Variants in DDB1 observed in about 807,000 individuals in gnomAD.
DDB1 encodes DNA damage-binding protein 1.
A neutral mutation model predicts 133.1 loss-of-function variants in DDB1; 18 were observed. The observed-to-expected ratio is 0.14, with a 90% CI of 0.09 to 0.20. The LOEUF is 0.20. Ranked by LOEUF, DDB1 falls within the 10% of genes least tolerant of loss-of-function variation. The pLI is 1.00. For synonymous variants in DDB1, 580 were observed against 550.5 expected (o/e 1.05, Z -0.75); for missense variants, 828 against 1,459.2 (o/e 0.57, Z 7.05).
At chr11:61,305,281 G>C (rs1160372207) in intron 21 of DDB1, among the ~76,000 whole-genome samples, 14 of 152,228 alleles carry the variant, frequency 9.2e-5, no homozygotes, top group Admixed American at 9.2e-4. Flanking sequence ...GGCCAAGGCA[G>C]GCGGATCACG....
At chr11:61,323,298 C>T in intron 7 of DDB1, 1 of 577,536 alleles carries the variant, frequency 1.7e-6, no homozygotes, top group Admixed American at 3.0e-5. Flanking sequence ...CATCCCTACA[C>T]TCAGAAAAAT....
At chr11:61,306,738 C>T (rs1176232415) in intron 21 of DDB1, among the ~76,000 whole-genome samples, 1 of 152,124 alleles carries the variant, frequency 6.6e-6, no homozygotes, top group Non-Finnish European at 1.5e-5. Context: ...ATTCCAACGC[C>T]CTGACCCCTC....
At chr11:61,302,508 C>G in intron 24 of DDB1, 74 bp downstream of exon 24, 1 of 1,598,778 alleles carries the variant, frequency 6.3e-7, no homozygotes, top group Non-Finnish European at 8.5e-7. Context: ...TACAGTTGCT[C>G]TCCCCAGTCC....
In DDB1 at chr11:61,303,940, G is replaced by A; in HGVS notation, c.2757C>T (p.Asp919=). The change falls in exon 22 of 27, where the codon GAC becomes GAT. Residue 919 remains aspartate (D), a synonymous_variant. Coordinates refer to ENST00000301764, the MANE Select transcript of DDB1 (RefSeq NM_001923.5). ...GCATAAGGTCGCCCACCAGGATGAA[G>A]TCGCCCTTGGTCTTCAGGTAGAGGG... ...IMALYLKTKG[D]FILVGDLMRS... 1 of 1,614,054 alleles carries A rather than the reference G, an allele frequency of 6.2e-7. No individual in the cohort carries two copies. Among genetic ancestry groups the A allele is most frequent in the Non-Finnish European group, 8.5e-7 (1 of 1,180,030 alleles).
rs765639305 is a variant in DDB1 at position 61,329,993 on chromosome 11, T to C, written c.292A>G (p.Ile98Val). The change falls in exon 3 of 27, where the codon ATT (isoleucine) becomes GTT (valine). Residue 98 changes from isoleucine to valine, a missense_variant. Ile to Val is a conservative substitution (Grantham distance 29, BLOSUM62 3). Coordinates refer to ENST00000301764, the MANE Select transcript of DDB1 (RefSeq NM_001923.5). The part of the protein sequence containing the change: ...ILEYKQSGES[I>V]DIITRAHGNV... ...CCATGGGCTCGCGTAATGATGTCAATGCTCTCGCCACTCTGTTTATACTCC... is the reference window on the plus strand; with the variant it reads ...CCATGGGCTCGCGTAATGATGTCAACGCTCTCGCCACTCTGTTTATACTCC... 9 of 1,613,864 alleles carry C rather than the reference T, an allele frequency of 5.6e-6. No individual in the cohort carries two copies. The highest frequency in any genetic ancestry group is 3.3e-5 in the Admixed American group (2 of 59,986).
chr11:61,314,048 T>G lies in DDB1; in HGVS notation c.1752A>C (p.Gly584=), dbSNP rs754449740. The part of the protein sequence containing the change: ...FELLHKEMLG[G]EIIPRSILMT... Reference sequence around the variant, plus strand: ...CCCAGGTCCCTAAATGACACATACCTCCACCCAGCATCTCCTTGTGCAGTA... The same window carrying G: ...CCCAGGTCCCTAAATGACACATACCGCCACCCAGCATCTCCTTGTGCAGTA... The change falls in exon 14 of 27, where the codon GGA becomes GGC. Residue 584 remains glycine (G), a splice_region_variant and synonymous_variant. Transcript: ENST00000301764. The G allele has an allele frequency of 6.2e-7, 1 of 1,613,910 alleles. No homozygotes were observed. Among genetic ancestry groups the G allele is most frequent in the Non-Finnish European group, 8.5e-7 (1 of 1,179,946 alleles).
chr11:61,309,927 T>C lies in DDB1; in HGVS notation c.2435A>G (p.Tyr812Cys). 2 of 1,614,240 alleles carry C rather than the reference T, an allele frequency of 1.2e-6. No homozygotes were observed. The highest frequency in any genetic ancestry group is 1.7e-6 in the Non-Finnish European group (2 of 1,180,050). The change falls in exon 20 of 27, where the codon TAT becomes TGT. Residue 812 changes from tyrosine (Y) to cysteine (C), a missense_variant. Tyr to Cys is a radical substitution (Grantham distance 194). Transcript: ENST00000301764. ...LHAHQFLQNE[Y>C]ALSLVSCKLG... ...CTTGCAGGAAACCAGACTGAGGGCA[T>C]ATTCATTCTGCAGAAACTGGTGGGC... is the stretch of plus-strand genomic sequence containing the variant.
At chr11:61,319,840 A>G (rs1348007834) in intron 10 of DDB1, among the ~76,000 whole-genome samples, 2 of 152,258 alleles carry the variant, frequency 1.3e-5, no homozygotes, top group Non-Finnish European at 2.9e-5. Context: ...CATTAAATAT[A>G]AAGAGAGAAC....
At chr11:61,300,707 C>A (rs1855778774) in intron 26 of DDB1, 102 bp downstream of exon 26, 3 of 1,529,430 alleles carry the variant, frequency 2.0e-6, no homozygotes, top group East Asian at 2.3e-5. Flanking sequence ...GGTCCCCTCG[C>A]ATCTTGGAAC....
chr11:61,316,038 G>A (rs1010319699), intron 12 of DDB1: 7 of 396,934 alleles, frequency 1.8e-5, no homozygotes, highest in East Asian at 7.8e-5. Flanking sequence ...ATAATGACCC[G>A]AGTCTATAAA....
At chr11:61,330,430 AG>A (rs61188238) in intron 2 of DDB1, among the ~76,000 whole-genome samples, 139,255 of 152,114 alleles carry the variant, frequency 0.92, 64,775 homozygotes, top group Non-Finnish European at 1. Flanking sequence ...TTGAAGAAAG[AG>A]GAAAAAAAAT....
chr11:61,325,987 TCCC>T, intron 5 of DDB1: 2 of 502,482 alleles, frequency 4.0e-6, no homozygotes, highest in Middle Eastern at 5.6e-4. Context: ...CCATGCATTC[TCCC>T]CCATTTTTCT....
chr11:61,315,952 GA>G, intron 12 of DDB1: 1 of 193,072 alleles, frequency 5.2e-6, no homozygotes, highest in Non-Finnish European at 1.0e-5. Context: ...TTAACAAAGG[GA>G]AAAAATTTGA....
At position 61,305,081 on chromosome 11, in the gene DDB1, ATCCAGATAATCCCCATGGCC is replaced by A. The variant is rs146598626; in HGVS notation, c.2662-1066_2662-1047del. Among the ~76,000 whole-genome samples, 270 of 152,292 alleles carry A rather than the reference ATCCAGATAATCCCCATGGCC, an allele frequency of 1.8e-3. 7 individuals are homozygous for A. The East Asian group carries it at 0.03, about 17-fold the overall frequency. On this transcript the variant is annotated intron_variant, in intron 21 of 26. Transcript: ENST00000301764. ...AGCCTCCCCTGGCAGATCCTTCAGGATCCAGATAATCCCCATGGCCTCTGCACATCTAGAAACTCCTGGGC... is the reference window on the plus strand; with the variant it reads ...AGCCTCCCCTGGCAGATCCTTCAGGATCTGCACATCTAGAAACTCCTGGGC...
At chr11:61,302,986 C>T (rs1363423672) in intron 23 of DDB1, 60 bp downstream of exon 23, 6 of 1,486,026 alleles carry the variant, frequency 4.0e-6, no homozygotes, top group Non-Finnish European at 5.6e-6. Flanking sequence ...TGCTTGCATC[C>T]ACCAGAGACC....
rs1856081645 is a variant in DDB1 at position 61,316,942 on chromosome 11, GATA to G, written c.1226-378_1226-376del. Reference sequence around the variant, plus strand: ...CTCAAAAAAAAAAAAAAAAAAAAAGGATAGATATATATATATATATATATATAT... The same window carrying G: ...CTCAAAAAAAAAAAAAAAAAAAAAGGGATATATATATATATATATATATAT... On this transcript the variant is annotated intron_variant, in intron 10 of 26. Coordinates refer to ENST00000301764, the MANE Select transcript of DDB1 (RefSeq NM_001923.5). Among the ~76,000 whole-genome samples, 44 of 27,050 alleles carry G rather than the reference GATA, an allele frequency of 1.6e-3. 4 individuals carry two copies. The highest frequency in any genetic ancestry group is 3.8e-3 in the African/African-American group (40 of 10,402). 17.7% of individuals were successfully genotyped at this position (27,050 alleles called of 152,430 possible).
intron 6 of DDB1, among the ~76,000 whole-genome samples, chr11:61,325,009 G>A (rs189394558): frequency 3.9e-5 from 6 of 152,272 alleles, no homozygotes; most frequent in Admixed American, 3.3e-4. Context: ...TTAGCCGGGC[G>A]TGATGGCACA....
intron 16 of DDB1, among the ~76,000 whole-genome samples, chr11:61,312,491 C>T (rs1855991173): frequency 6.8e-6 from 1 of 148,038 alleles, no homozygotes; most frequent in Admixed American, 6.7e-5. Context: ...TCTTTTCTTT[C>T]CTCTCTCTCT....
chr11:61,323,916 C>T (rs1481507371), intron 7 of DDB1, 63 bp downstream of exon 7: 1 of 1,581,606 alleles, frequency 6.3e-7, no homozygotes, highest in Admixed American at 1.7e-5. Flanking sequence ...TGTGGGACCA[C>T]ACATTTGGTG....
Sources: allele counts gnomAD v4.1 joint callset (sites outside exome capture counted in the v4.1 genomes callset), GRCh38; gene constraint gnomAD v4.1.1; transcripts MANE v1.5; gene names NCBI Gene and HGNC (gene_info 2026-07-23, HGNC 2026-07-21).